EXD3: variants seen among roughly 807,000 people sequenced by gnomAD.
EXD3 encodes the protein exonuclease 3'-5' domain containing 3.
Under a neutral mutation model 98.0 loss-of-function variants are expected in EXD3, and 92 were observed. That is an observed-to-expected ratio of 0.94 (90% CI 0.79 to 1.12). EXD3 has a LOEUF of 1.12. Among genes scored for constraint, EXD3 ranks in the 50% most tolerant of loss-of-function variants. The pLI is 0.00. For synonymous variants in EXD3, 569 were observed against 526.0 expected (o/e 1.08, Z -1.12); for missense variants, 1,222 against 1,191.6 (o/e 1.03, Z -0.38).
intron 19 of EXD3, among the ~76,000 whole-genome samples, chr9:137,311,876 G>A (rs532369407): frequency 6.6e-6 from 1 of 152,288 alleles, no homozygotes; most frequent in East Asian, 1.9e-4. Flanking sequence ...GGAGTGAGTG[G>A]TGCTGGTGGC....
In EXD3 at chr9:137,349,313, G is replaced by C; in HGVS notation, c.1658-31C>G. The C allele has an allele frequency of 2.6e-6, 4 of 1,552,534 alleles. No homozygotes were observed. The highest frequency in any genetic ancestry group is 3.5e-6 in the Non-Finnish European group (4 of 1,154,452). On this transcript the variant is annotated intron_variant, in intron 15 of 21. Transcript: ENST00000340951. This position sits in a 1 kb window ranked among gnomAD's most constrained non-coding sequence, Gnocchi z 7.4. ...TGGGGAGTCGGCCTCAGCCTCCCGGGACAGAGGGCGGGAGGGGCGTGAGGA... is the reference window on the plus strand; with the variant it reads ...TGGGGAGTCGGCCTCAGCCTCCCGGCACAGAGGGCGGGAGGGGCGTGAGGA...
chr9:137,403,423 C>T lies in EXD3; in HGVS notation c.-47-8019G>A. On this transcript the variant is annotated intron_variant, in intron 1 of 21. Transcript: ENST00000340951. This position sits in a 1 kb window ranked among gnomAD's most constrained non-coding sequence, Gnocchi z 6.1. ...TCTGTAGCCCTCCCCACCCCCAGCCCAGCAGCAGCAGCAGCCAGCACACCC... is the reference window on the plus strand; with the variant it reads ...TCTGTAGCCCTCCCCACCCCCAGCCTAGCAGCAGCAGCAGCCAGCACACCC... 2.5e-5 allele frequency among the ~76,000 whole-genome samples: 1 copy of T among 39,790 alleles called. No individual in the cohort carries two copies. Among genetic ancestry groups the T allele is most frequent in the Non-Finnish European group, 5.7e-5 (1 of 17,646 alleles). 26.1% of individuals were successfully genotyped at this position (39,790 alleles called of 152,430 possible). A position where few individuals can be genotyped will look rare whatever the true frequency, so the allele number is the denominator to read the frequency against.
intron 17 of EXD3, among the ~76,000 whole-genome samples, chr9:137,329,533 G>A (rs373245089): frequency 1.6e-5 from 1 of 62,406 alleles, no homozygotes; most frequent in African/African-American, 9.3e-5. Flanking sequence ...GGGACTACAC[G>A]GGGTCACACG....
rs568200634 is a variant in EXD3 at position 137,313,111 on chromosome 9, C to A, written c.2185-3411G>T. Among the ~76,000 whole-genome samples, 23 of 152,322 alleles carry A rather than the reference C, an allele frequency of 1.5e-4. 1 individual carries two copies. In the South Asian group the frequency reaches 4.8e-3, roughly 32 times the overall value. On this transcript the variant is annotated intron_variant, in intron 19 of 21. Coordinates refer to ENST00000340951, the MANE Select transcript of EXD3 (RefSeq NM_017820.5). ...CACAACACCCTTGGACCCCACCCAC[C>A]CCTGAGGCCTTGGGTCTCGACAAGT...
chr9:137,379,319 TG>T (rs1487792965), intron 3 of EXD3, among the ~76,000 whole-genome samples: 11 of 98,200 alleles, frequency 1.1e-4, no homozygotes, highest in African/African-American at 1.5e-4. Context: ...CCGAGGGGAA[TG>T]GGGGCGTCTG....
chr9:137,316,271 C>CCGG (rs1488188421), intron 19 of EXD3, among the ~76,000 whole-genome samples: 2 of 151,876 alleles, frequency 1.3e-5, no homozygotes, highest in Non-Finnish European at 2.9e-5. Flanking sequence ...CTCAGGGCGC[C>CCGG]CGGCGGAGAT....
intron 17 of EXD3, among the ~76,000 whole-genome samples, chr9:137,329,788 T>C (rs1335972670): frequency 8.5e-5 from 2 of 23,618 alleles, no homozygotes; most frequent in Admixed American, 3.8e-4. Flanking sequence ...TACACGGGAC[T>C]ACACGGGACT....
intron 20 of EXD3, among the ~76,000 whole-genome samples, chr9:137,308,896 C>T (rs1406131412): frequency 6.6e-6 from 1 of 152,166 alleles, no homozygotes; most frequent in Non-Finnish European, 1.5e-5. Flanking sequence ...CTGCCCGCCT[C>T]GGCCTCCCAA....
chr9:137,399,023 A>C (rs1057018271), intron 1 of EXD3, among the ~76,000 whole-genome samples: 14 of 152,026 alleles, frequency 9.2e-5, no homozygotes, highest in African/African-American at 3.4e-4. Context: ...ACACGTGCAC[A>C]CCGACATCCC....
At chr9:137,418,737 T>C (rs1019391198) in intron 1 of EXD3, among the ~76,000 whole-genome samples, 5 of 151,970 alleles carry the variant, frequency 3.3e-5, no homozygotes, top group Admixed American at 6.5e-5. Flanking sequence ...TAATAAGAGA[T>C]TGTAAAATAT....
At chr9:137,328,960 G>GAACTACACGGGA (rs1216926999) in intron 17 of EXD3, among the ~76,000 whole-genome samples, 1 of 20,394 alleles carries the variant, frequency 4.9e-5, no homozygotes, top group Non-Finnish European at 9.3e-5. Flanking sequence ...GGCTACACGG[G>GAACTACACGGGA]GCTACACGGG....
At chr9:137,337,799 G>GT (rs992610415) in intron 17 of EXD3, among the ~76,000 whole-genome samples, 1 of 151,044 alleles carries the variant, frequency 6.6e-6, no homozygotes, top group Non-Finnish European at 1.5e-5. Flanking sequence ...TTTTTGTTTT[G>GT]TTTTTTGAGA....
Position 137,373,499 on chromosome 9 carries a change from G to A in EXD3, c.221C>T (p.Pro74Leu), listed in dbSNP as rs1564523489. Residue 74 changes from proline (P) to leucine (L), a missense_variant, in exon 4 of 22, where the codon CCC becomes CTC. Pro to Leu is a moderately conservative substitution (Grantham distance 98). Transcript: ENST00000340951. ...GTGGGAGATCCAGGCCGCCAGGGAGGGGCCCTCTCCCCGCTGGCCCCGGCA... is the reference window on the plus strand; with the variant it reads ...GTGGGAGATCCAGGCCGCCAGGGAGAGGCCCTCTCCCCGCTGGCCCCGGCA... Reference protein sequence around the residue: ...ESCRGQRGEGPSLAAWISHQL... With the variant: ...ESCRGQRGEGLSLAAWISHQL... 1.2e-6 allele frequency: 2 copies of A among 1,607,820 alleles called. No homozygotes were observed. Among genetic ancestry groups the A allele is most frequent in the Non-Finnish European group, 1.7e-6 (2 of 1,178,094 alleles).
intron 16 of EXD3, 111 bp from the exon 17 acceptor site, chr9:137,348,349 T>TTTGAAGAAAG: frequency 8.2e-7 from 1 of 1,223,788 alleles, no homozygotes; most frequent in Non-Finnish European, 1.1e-6. Context: ...TGTTTTATCT[T>TTTGAAGAAAG]CAAAAGATAA....
In EXD3 at chr9:137,309,664, C is replaced by T. The variant is rs1158927150; in HGVS notation, c.2221G>A (p.Asp741Asn). 6.4e-7 allele frequency: 1 copy of T among 1,560,082 alleles called. No individual in the cohort carries two copies. Among genetic ancestry groups the T allele is most frequent in the Admixed American group, 1.9e-5 (1 of 52,224 alleles). ...NCDQYLKVSR[D>N]MMKQLMWLSS... ...AGCCACATGAGCTGCTTCATCATGT[C>T]CCTGGAGACCTTTAGGTACTGGTCA... The change falls in exon 20 of 22, where the codon GAC (aspartate) becomes AAC (asparagine). Residue 741 changes from aspartate (D) to asparagine (N), a missense_variant. Asp to Asn is a conservative substitution (Grantham distance 23). Coordinates refer to ENST00000340951, the MANE Select transcript of EXD3 (RefSeq NM_017820.5).
chr9:137,355,555 A>AGGGAGGAT (rs1834651954), intron 8 of EXD3, among the ~76,000 whole-genome samples: 1 of 44,824 alleles, frequency 2.2e-5, no homozygotes, highest in Non-Finnish European at 5.0e-5. Context: ...GGAAGGAGGA[A>AGGGAGGAT]GGAGGAAGGG....
intron 2 of EXD3, among the ~76,000 whole-genome samples, chr9:137,387,863 C>T (rs1836684159): frequency 6.6e-6 from 1 of 152,180 alleles, no homozygotes; most frequent in Non-Finnish European, 1.5e-5. Flanking sequence ...GCCTCTGGCC[C>T]CCACCTCCAC....
chr9:137,350,020 CTAGA>C lies in EXD3; in HGVS notation c.1495-493_1495-490del, dbSNP rs1197777724. On this transcript the variant is annotated intron_variant, in intron 14 of 21. Transcript: ENST00000340951. ...AGGGGTGGGGATCACGGGGAAGGTG[CTAGA>C]TAGAGAGGGGTGGGGATCACGGGGA... 3.2e-5 allele frequency among the ~76,000 whole-genome samples: 4 copies of C among 126,768 alleles called. No homozygotes were observed. In the East Asian group the frequency reaches 9.2e-4, roughly 29 times the overall value. The allele number at this position is 126,768 out of a possible 152,430, so 83.2% of individuals were successfully genotyped here.
intron 3 of EXD3, among the ~76,000 whole-genome samples, chr9:137,382,114 G>A (rs1184328823): frequency 1.4e-5 from 2 of 140,800 alleles, no homozygotes; most frequent in African/African-American, 2.7e-5. Context: ...TCAGGGCGGC[G>A]GTGGAGGTGA....
Sources: allele counts gnomAD v4.1 joint callset (sites outside exome capture counted in the v4.1 genomes callset), GRCh38; gene constraint gnomAD v4.1.1; non-coding constraint Gnocchi (gnomAD v3.1); transcripts MANE v1.5; gene names NCBI Gene and HGNC (gene_info 2026-07-23, HGNC 2026-07-21).